Variants in GALNT17 observed in about 807,000 individuals in gnomAD.
GALNT17 encodes the protein UDP-GalNAc:polypeptide N-acetylgalactosaminyltransferase-like 3.
Under a neutral mutation model 63.7 loss-of-function variants are expected in GALNT17, and 29 were observed. The ratio of observed to expected loss-of-function variants is 0.46; its 90% CI spans 0.34 to 0.62. The LOEUF (loss-of-function observed/expected upper bound fraction) is 0.62, where lower values mean the gene tolerates loss of function less well. GALNT17 is among the 20% of genes least tolerant of loss of function. The pLI is 0.01. For missense variants in GALNT17, 603 were observed against 799.6 expected, an observed-to-expected ratio of 0.75 and a Z score of 2.97; for synonymous variants, 305 against 318.3, an observed-to-expected ratio of 0.96 and a Z score of 0.45.
intron 1 of GALNT17, among the ~76,000 whole-genome samples, chr7:71,145,858 A>G (rs1788012984): frequency 6.6e-6 from 1 of 152,064 alleles, no homozygotes; most frequent in Non-Finnish European, 1.5e-5. Flanking sequence ...GGCGGCCGCC[A>G]CCACACCCCG....
Position 71,401,494 on chromosome 7 carries a change from A to G in GALNT17, c.589+13093A>G, listed in dbSNP as rs180941479. ...GCAGGGGTCCCCAACCCCCCAGGCC[A>G]TAAACTGGTCCATGGCCTGTTAGGG... On this transcript the variant is annotated intron_variant, in intron 3 of 10. Transcript: ENST00000333538. Among the ~76,000 whole-genome samples, 38 of 152,276 alleles carry G rather than the reference A, an allele frequency of 2.5e-4. 4 individuals carry two copies. The East Asian group carries it at 2.9e-3, about 12-fold the overall frequency.
chr7:71,318,225 G>A (rs1233233889), intron 1 of GALNT17, among the ~76,000 whole-genome samples: 5 of 152,130 alleles, frequency 3.3e-5, no homozygotes, highest in Non-Finnish European at 5.9e-5. Context: ...CAATCAGGCA[G>A]TGGGACCTCA....
At chr7:71,212,318 C>G (rs1789396250) in intron 1 of GALNT17, among the ~76,000 whole-genome samples, 1 of 152,172 alleles carries the variant, frequency 6.6e-6, no homozygotes, top group Admixed American at 6.5e-5. Context: ...GCACAGAAGT[C>G]AAGAATTGAG....
intron 8 of GALNT17, among the ~76,000 whole-genome samples, chr7:71,673,440 C>A (rs1791101803): frequency 6.6e-6 from 1 of 152,026 alleles, no homozygotes; most frequent in African/African-American, 2.4e-5. Flanking sequence ...GAAATCGCTG[C>A]TATTTTAGAT....
intron 1 of GALNT17, among the ~76,000 whole-genome samples, chr7:71,235,630 A>G (rs767922115): frequency 6.6e-6 from 1 of 152,242 alleles, no homozygotes; most frequent in Non-Finnish European, 1.5e-5. Context: ...CTGAAAAGTC[A>G]GGCTTTTATC....
chr7:71,495,052 C>G (rs1788073082), intron 5 of GALNT17, among the ~76,000 whole-genome samples: 1 of 152,150 alleles, frequency 6.6e-6, no homozygotes, highest in Non-Finnish European at 1.5e-5. Flanking sequence ...AGGTAGATCA[C>G]CTGAGGTCAG....
At chr7:71,239,956 C>G (rs1789963802) in intron 1 of GALNT17, among the ~76,000 whole-genome samples, 1 of 152,106 alleles carries the variant, frequency 6.6e-6, no homozygotes, top group African/African-American at 2.4e-5. Flanking sequence ...TCATTTCTGT[C>G]CTATATTACA....
At chr7:71,462,064 G>A (rs1393731488) in intron 5 of GALNT17, among the ~76,000 whole-genome samples, 15 of 152,102 alleles carry the variant, frequency 9.9e-5, no homozygotes, top group Admixed American at 8.5e-4. Context: ...CCTACTCTGC[G>A]ATGGTGGGAG....
At chr7:71,468,583 A>AT (rs1365041880) in intron 5 of GALNT17, among the ~76,000 whole-genome samples, 2 of 151,566 alleles carry the variant, frequency 1.3e-5, no homozygotes, top group Admixed American at 6.6e-5. Context: ...TGCCTGGCTA[A>AT]TTTTTTTGTT....
At chr7:71,536,050 A>G (rs1339613636) in intron 5 of GALNT17, among the ~76,000 whole-genome samples, 2 of 152,198 alleles carry the variant, frequency 1.3e-5, no homozygotes, top group Non-Finnish European at 1.5e-5. Context: ...AACTCATTTT[A>G]TGACTCAACT....
intron 5 of GALNT17, among the ~76,000 whole-genome samples, chr7:71,497,003 A>G (rs375180735): frequency 6.6e-6 from 1 of 152,108 alleles, no homozygotes; most frequent in African/African-American, 2.4e-5. Context: ...ACTTGAGCCC[A>G]GGACTTTGAG....
intron 1 of GALNT17, chr7:71,283,947 C>T (rs1790821902): frequency 6.6e-6 from 1 of 152,172 alleles, no homozygotes; most frequent in Non-Finnish European, 1.5e-5. Context: ...GACCAATCAA[C>T]ACTCTGTAAA....
At chr7:71,338,341 TAAATAAA>T (rs1791948970) in intron 2 of GALNT17, among the ~76,000 whole-genome samples, 1 of 143,430 alleles carries the variant, frequency 7.0e-6, no homozygotes, top group Non-Finnish European at 1.5e-5. Context: ...AAAAAATAAA[TAAATAAA>T]AAATAAATAA....
chr7:71,635,712 G>T (rs1165855505), intron 6 of GALNT17, among the ~76,000 whole-genome samples: 2 of 152,254 alleles, frequency 1.3e-5, no homozygotes, highest in East Asian at 3.9e-4. Flanking sequence ...CCATAGGCAG[G>T]GCTGCTGGTT....
Position 71,617,076 on chromosome 7 carries a change from A to G in GALNT17, c.1080+45674A>G, listed in dbSNP as rs369339508. On this transcript the variant is annotated intron_variant, in intron 6 of 10. Coordinates refer to ENST00000333538, the MANE Select transcript of GALNT17 (RefSeq NM_022479.3). ...ATTATGCCACATATAATTTTATTAT[A>G]TATGTGATTATGTATCAGTTATATA... is the stretch of plus-strand genomic sequence containing the variant. 8.1e-5 allele frequency among the ~76,000 whole-genome samples: 12 copies of G among 147,642 alleles called. No homozygotes were observed. The South Asian group carries it at 2.3e-3, about 28-fold the overall frequency.
intron 6 of GALNT17, among the ~76,000 whole-genome samples, chr7:71,603,658 GTACTATGCTAAGTGCATACACTAAC>G (rs1204969158): frequency 3.3e-5 from 5 of 149,450 alleles, no homozygotes; most frequent in Non-Finnish European, 7.4e-5. Flanking sequence ...CATGCACTAA[GTACTATGCTAAGTGCATACACTAAC>G]TACTATGCTA....
intron 6 of GALNT17, among the ~76,000 whole-genome samples, chr7:71,647,040 CT>C (rs1441695615): frequency 5.3e-5 from 8 of 151,332 alleles, no homozygotes; most frequent in Non-Finnish European, 8.8e-5. Flanking sequence ...GCCACCGCCC[CT>C]GGCCCAATTT....
At chr7:71,474,743 C>T (rs1212482981) in intron 5 of GALNT17, among the ~76,000 whole-genome samples, 1 of 152,096 alleles carries the variant, frequency 6.6e-6, no homozygotes, top group Non-Finnish European at 1.5e-5. Flanking sequence ...CTGAAAAATG[C>T]CTTCCACCCA....
chr7:71,462,689 G>C (rs1461670157), intron 5 of GALNT17, among the ~76,000 whole-genome samples: 2 of 152,304 alleles, frequency 1.3e-5, no homozygotes, highest in African/African-American at 4.8e-5. Flanking sequence ...GTGGGAGGGA[G>C]TGTCCAGGTC....
Sources: allele counts gnomAD v4.1 joint callset (sites outside exome capture counted in the v4.1 genomes callset), GRCh38; gene constraint gnomAD v4.1.1; transcripts MANE v1.5; gene names NCBI Gene and HGNC (gene_info 2026-07-23, HGNC 2026-07-21).